Variants in PRKCA observed in about 807,000 individuals in gnomAD.
PRKCA encodes protein kinase C alpha type.
PRKCA carries 27 observed loss-of-function variants against 87.0 expected under a neutral mutation model. The ratio of observed to expected loss-of-function variants is 0.31; its 90% CI spans 0.23 to 0.43. PRKCA has a LOEUF of 0.43. Ranked by LOEUF, PRKCA falls within the 20% of genes least tolerant of loss-of-function variation. The probability of loss-of-function intolerance (pLI) is 1.00; values close to 1 mark genes in which losing one functional copy is unlikely to be tolerated. For synonymous variants in PRKCA, 329 were observed against 311.1 expected (o/e 1.06, Z -0.61); for missense variants, 518 against 852.3 (o/e 0.61, Z 4.88).
intron 2 of PRKCA, among the ~76,000 whole-genome samples, chr17:66,475,627 C>G (rs1205541951): frequency 6.6e-6 from 1 of 152,138 alleles, no homozygotes; most frequent in Non-Finnish European, 1.5e-5. Context: ...CTCATAGCAG[C>G]CTGTTACCTC....
chr17:66,721,240 CA>C lies in PRKCA; in HGVS notation c.919-11441del, dbSNP rs1567995469. Among the ~76,000 whole-genome samples the C allele has an allele frequency of 2.6e-5, 4 of 151,586 alleles. No homozygotes were observed. The South Asian group carries it at 6.3e-4, about 24-fold the overall frequency. On this transcript the variant is annotated intron_variant, in intron 8 of 16. Coordinates refer to ENST00000413366, the MANE Select transcript of PRKCA (RefSeq NM_002737.3). ...TGAAACCCCGTCTCTACTAAAAATA[CA>C]AAAAAATTAGCCAGGCATGGTGGTG...
chr17:66,311,593 G>A (rs1905089387), intron 2 of PRKCA, among the ~76,000 whole-genome samples: 1 of 152,060 alleles, frequency 6.6e-6, no homozygotes, highest in Non-Finnish European at 1.5e-5. Flanking sequence ...TTCCAGCCTG[G>A]GCGACAGAGT....
chr17:66,468,739 G>A (rs1329622764), intron 2 of PRKCA, among the ~76,000 whole-genome samples: 1 of 152,130 alleles, frequency 6.6e-6, no homozygotes, highest in Non-Finnish European at 1.5e-5. Flanking sequence ...AGTGGGAGGG[G>A]CGAGAGCTAA....
chr17:66,630,626 C>T (rs1970984752), intron 3 of PRKCA, among the ~76,000 whole-genome samples: 1 of 152,238 alleles, frequency 6.6e-6, no homozygotes, highest in Admixed American at 6.5e-5. Context: ...GACAGGTGCT[C>T]CTTCTCTGAA....
At chr17:66,325,152 T>G (rs1305129840) in intron 2 of PRKCA, among the ~76,000 whole-genome samples, 1 of 152,228 alleles carries the variant, frequency 6.6e-6, no homozygotes, top group East Asian at 1.9e-4. Context: ...TATTGAACAT[T>G]TCATCCAAAG....
intron 8 of PRKCA, among the ~76,000 whole-genome samples, chr17:66,715,942 C>T (rs1251196830): frequency 2.0e-5 from 3 of 152,180 alleles, no homozygotes; most frequent in Non-Finnish European, 4.4e-5. Context: ...ATGACACCTG[C>T]ACACAACAAA....
intron 8 of PRKCA, among the ~76,000 whole-genome samples, chr17:66,695,978 AG>A (rs1972909623): frequency 6.6e-6 from 1 of 152,208 alleles, no homozygotes; most frequent in African/African-American, 2.4e-5. Context: ...TCTTATAAAG[AG>A]AGAAATTTAT....
intron 16 of PRKCA, among the ~76,000 whole-genome samples, chr17:66,797,904 C>T (rs1215362083): frequency 2.0e-5 from 3 of 152,252 alleles, no homozygotes; most frequent in Non-Finnish European, 4.4e-5. Context: ...GAGGTGGAGA[C>T]AGTGCGCACC....
At chr17:66,780,439 G>C (rs1346336663) in intron 14 of PRKCA, among the ~76,000 whole-genome samples, 4 of 152,204 alleles carry the variant, frequency 2.6e-5, no homozygotes, top group Non-Finnish European at 4.4e-5. Context: ...CACTTTGGGA[G>C]GCCCAGGTGG....
intron 8 of PRKCA, among the ~76,000 whole-genome samples, chr17:66,695,292 G>A (rs948961698): frequency 6.6e-6 from 1 of 152,204 alleles, no homozygotes; most frequent in Non-Finnish European, 1.5e-5. Context: ...AAGTGGTGAA[G>A]ACCACGTCTC....
intron 2 of PRKCA, among the ~76,000 whole-genome samples, chr17:66,341,594 C>T (rs1598603615): frequency 6.6e-6 from 1 of 152,152 alleles, no homozygotes; most frequent in Non-Finnish European, 1.5e-5. Flanking sequence ...AACAATCCTA[C>T]GGTTTTGAGT....
chr17:66,470,757 G>A lies in PRKCA; in HGVS notation c.206-25444G>A, dbSNP rs528477987. 7.9e-5 allele frequency among the ~76,000 whole-genome samples: 12 copies of A among 152,274 alleles called. No individual in the cohort carries two copies. In the South Asian group the frequency reaches 2.5e-3, roughly 32 times the overall value. On this transcript the variant is annotated intron_variant, in intron 2 of 16. Transcript: ENST00000413366. The stretch of plus-strand genomic sequence containing the variant: ...TTAATTATTAGGGGGACGAGCAGAG[G>A]CAATGAGATGCAACTCTGAAACAAA...
At chr17:66,432,882 T>G (rs1004672778) in intron 2 of PRKCA, among the ~76,000 whole-genome samples, 9 of 152,196 alleles carry the variant, frequency 5.9e-5, no homozygotes, top group African/African-American at 2.2e-4. Flanking sequence ...GTAATTGTGG[T>G]TTTTGCTATT....
intron 2 of PRKCA, among the ~76,000 whole-genome samples, chr17:66,349,830 T>C (rs1907629455): frequency 2.0e-5 from 3 of 152,162 alleles, no homozygotes; most frequent in South Asian, 4.2e-4. Context: ...CTCTTATTTT[T>C]AGGGCCTTCG....
Position 66,302,752 on chromosome 17 carries a change from G to C in PRKCA, c.-100G>C, listed in dbSNP as rs1484006840. ...GCCACCGGCCCGCGCCCCGCGCCCGGGGTCGCCCCGAGCCCGCACCTCTCC... is the reference window on the plus strand; with the variant it reads ...GCCACCGGCCCGCGCCCCGCGCCCGCGGTCGCCCCGAGCCCGCACCTCTCC... On this transcript the variant is annotated 5_prime_UTR_variant, in exon 1 of 17. Coordinates refer to ENST00000413366, the MANE Select transcript of PRKCA (RefSeq NM_002737.3). 6.1e-6 allele frequency: 6 copies of C among 976,658 alleles called. No individual in the cohort carries two copies. The highest frequency in any genetic ancestry group is 7.6e-6 in the Non-Finnish European group (6 of 790,106). The allele number at this position is 976,658 out of a possible 1,614,324, so 60.5% of individuals were successfully genotyped here.
chr17:66,475,645 C>G (rs1915507040), intron 2 of PRKCA, among the ~76,000 whole-genome samples: 1 of 152,154 alleles, frequency 6.6e-6, no homozygotes, highest in Admixed American at 6.5e-5. Flanking sequence ...CTCTCCTAAA[C>G]CAATCCCCCT....
chr17:66,796,375 C>A (rs983806685), intron 16 of PRKCA: 52 of 939,060 alleles, frequency 5.5e-5, no homozygotes, highest in Middle Eastern at 1.1e-3. Flanking sequence ...GTGTCCATTC[C>A]CGATTCTGGA....
At chr17:66,457,473 C>A (rs1214679290) in intron 2 of PRKCA, among the ~76,000 whole-genome samples, 4 of 152,084 alleles carry the variant, frequency 2.6e-5, no homozygotes, top group Non-Finnish European at 5.9e-5. Flanking sequence ...ATATAGAACA[C>A]AGCATCTGGC....
chr17:66,756,963 A>T (rs1308293808), intron 13 of PRKCA, among the ~76,000 whole-genome samples: 1 of 152,212 alleles, frequency 6.6e-6, no homozygotes, highest in East Asian at 1.9e-4. Context: ...GTGCCTGGCC[A>T]TAACCAGGAA....
Sources: gnomAD v4.1 joint callset for allele counts (sites outside exome capture counted in the v4.1 genomes callset) on GRCh38, gnomAD v4.1.1 for gene constraint, MANE v1.5 for transcripts, NCBI Gene and HGNC (gene_info 2026-07-23, HGNC 2026-07-21) for gene names.